Variants in CCR2 observed in about 807,000 individuals in gnomAD.
The protein encoded by CCR2 is C-C motif chemokine receptor 2, also known as C-C chemokine receptor type 2.
For synonymous variants in CCR2, 183 were observed against 177.1 expected (o/e 1.03, Z -0.27); for missense variants, 408 against 440.0 (o/e 0.93, Z 0.65).
rs1410186133 is a variant in CCR2 at position 46,359,713 on chromosome 3, A to G, written c.*1103A>G. On this transcript the variant is annotated 3_prime_UTR_variant, in exon 2 of 2. Coordinates refer to ENST00000445132, the MANE Select transcript of CCR2 (RefSeq NM_001123396.4). ...TAGCTCTTGGCTGTAGGATTGCCCCACTCCAAAAACCAGTGTGTGGAGGTC... is the reference window on the plus strand; with the variant it reads ...TAGCTCTTGGCTGTAGGATTGCCCCGCTCCAAAAACCAGTGTGTGGAGGTC... The G allele has an allele frequency of 1.2e-6, 2 of 1,613,534 alleles. No homozygotes were observed. Among genetic ancestry groups the G allele is most frequent in the African/African-American group, 2.7e-5 (2 of 74,794 alleles).
At position 46,357,491 on chromosome 3, in the gene CCR2, A is replaced by AT; in HGVS notation, c.-35dup. The AT allele has an allele frequency of 6.3e-7, 1 of 1,597,278 alleles. No homozygotes were observed. On this transcript the variant is annotated 5_prime_UTR_variant, in exon 2 of 2. Coordinates refer to ENST00000445132, the MANE Select transcript of CCR2 (RefSeq NM_001123396.4). ...TTTGTTTACAGAACAGAGAAAGTGG[A>AT]TTGAACAAGGACGCATTTCCCCAGT...
At chr3:46,355,341 C>G (rs575514980) in intron 1 of CCR2, among the ~76,000 whole-genome samples, 1 of 152,014 alleles carries the variant, frequency 6.6e-6, no homozygotes, top group East Asian at 1.9e-4. Context: ...ACCTGCAAAA[C>G]CACTGAAGCA....
At position 46,359,670 on chromosome 3, in the gene CCR2, C is replaced by T. The variant is rs768825894; in HGVS notation, c.*1060C>T. 6 of 1,605,770 alleles carry T rather than the reference C, an allele frequency of 3.7e-6. No individual in the cohort carries two copies. Among genetic ancestry groups the T allele is most frequent in the Non-Finnish European group, 5.1e-6 (6 of 1,177,642 alleles). On this transcript the variant is annotated 3_prime_UTR_variant, in exon 2 of 2. Transcript: ENST00000445132. Reference sequence around the variant, plus strand: ...CCACTCCCCTCACTCTTCTCTTTTCCCCACAGCCTTTTTCACATAGCTCTT... The same window carrying T: ...CCACTCCCCTCACTCTTCTCTTTTCTCCACAGCCTTTTTCACATAGCTCTT...
intron 1 of CCR2, among the ~76,000 whole-genome samples, chr3:46,355,214 T>C (rs1701430417): frequency 1.3e-5 from 2 of 152,102 alleles, no homozygotes; most frequent in South Asian, 4.1e-4. Flanking sequence ...CAGTGTTATG[T>C]GATAAGAGTA....
rs772392528 is a variant in CCR2 at position 46,358,670 on chromosome 3, A to C, written c.*60A>C. ...AGATAACAATCTGTATATAACAACA[A>C]ACTTCAAGGGTTTGTTGAACAATAG... On this transcript the variant is annotated 3_prime_UTR_variant, in exon 2 of 2. Coordinates refer to ENST00000445132, the MANE Select transcript of CCR2 (RefSeq NM_001123396.4). 726 of 1,506,406 alleles carry C rather than the reference A, an allele frequency of 4.8e-4. No individual in the cohort carries two copies. Among genetic ancestry groups the C allele is most frequent in the Non-Finnish European group, 6.1e-4 (691 of 1,125,506 alleles). The allele number at this position is 1,506,406 out of a possible 1,614,324, so 93.3% of individuals were successfully genotyped here. A position where few individuals can be genotyped will look rare whatever the true frequency, so the allele number is the denominator to read the frequency against.
At position 46,358,076 on chromosome 3, in the gene CCR2, A is replaced by G. The variant is rs751825867; in HGVS notation, c.549A>G (p.Lys183=). ...VPGIIFTKCQ[K]EDSVYVCGPY... is the part of the protein sequence containing the mutation. ...GAATCATCTTTACTAAATGCCAGAAAGAAGATTCTGTTTATGTCTGTGGCC... is the reference window on the plus strand; with the variant it reads ...GAATCATCTTTACTAAATGCCAGAAGGAAGATTCTGTTTATGTCTGTGGCC... Residue 183 remains lysine, a synonymous_variant, in exon 2 of 2, where the codon AAA becomes AAG. Coordinates refer to ENST00000445132, the MANE Select transcript of CCR2 (RefSeq NM_001123396.4). 5.0e-6 allele frequency: 8 copies of G among 1,614,180 alleles called. No individual in the cohort carries two copies. The highest frequency in any genetic ancestry group is 6.8e-6 in the Non-Finnish European group (8 of 1,180,014).
Position 46,359,981 on chromosome 3 carries a change from C to T in CCR2, c.*1371C>T. On this transcript the variant is annotated 3_prime_UTR_variant, in exon 2 of 2. Coordinates refer to ENST00000445132, the MANE Select transcript of CCR2 (RefSeq NM_001123396.4). ...AGGAAGGCTGAGAGGAGAGAGACTC[C>T]AGCTGGGTTGGAAAACAGTATTTTC... 1.1e-6 allele frequency: 1 copy of T among 933,346 alleles called. No individual in the cohort carries two copies. Among genetic ancestry groups the T allele is most frequent in the Non-Finnish European group, 1.6e-6 (1 of 627,072 alleles). 57.8% of individuals were successfully genotyped at this position (933,346 alleles called of 1,614,324 possible). A position where few individuals can be genotyped will look rare whatever the true frequency, so the allele number is the denominator to read the frequency against.
intron 1 of CCR2, among the ~76,000 whole-genome samples, chr3:46,356,270 A>G (rs1405910500): frequency 6.6e-6 from 1 of 152,234 alleles, no homozygotes; most frequent in Non-Finnish European, 1.5e-5. Context: ...TTTAGACAAT[A>G]CAATTCAGGA....
chr3:46,359,003 G>T lies in CCR2; in HGVS notation c.*393G>T, dbSNP rs566030365. On this transcript the variant is annotated 3_prime_UTR_variant, in exon 2 of 2. Transcript: ENST00000445132. ...AGATGAATGGGAGTGAGGGATAGTG[G>T]GGTCAGGGCTGAGAGGAGAAGGAGG... The T allele has an allele frequency of 1.9e-6, 2 of 1,043,690 alleles. No individual in the cohort carries two copies. Among genetic ancestry groups the T allele is most frequent in the African/African-American group, 3.4e-5 (2 of 58,224 alleles). The allele number at this position is 1,043,690 out of a possible 1,614,324, so 64.7% of individuals were successfully genotyped here.
intron 1 of CCR2, 78 bp from the exon 2 acceptor site, chr3:46,357,399 T>G (rs1032338138): frequency 1.0e-6 from 1 of 984,044 alleles, no homozygotes; most frequent in African/African-American, 1.6e-5. Context: ...AAGTTGCTTA[T>G]GTGGTGCCAG....
At position 46,358,727 on chromosome 3, in the gene CCR2, G is replaced by T; in HGVS notation, c.*117G>T. ...GTAAAGCAGGTGCCCAGGAACCTCA[G>T]GGCTGTGTGTACTAATACAGACTAT... On this transcript the variant is annotated 3_prime_UTR_variant, in exon 2 of 2. Coordinates refer to ENST00000445132, the MANE Select transcript of CCR2 (RefSeq NM_001123396.4). 6.8e-7 allele frequency: 1 copy of T among 1,466,368 alleles called. No homozygotes were observed. The highest frequency in any genetic ancestry group is 9.0e-7 in the Non-Finnish European group (1 of 1,108,966). The allele number at this position is 1,466,368 out of a possible 1,614,324, so 90.8% of individuals were successfully genotyped here. A position where few individuals can be genotyped will look rare whatever the true frequency, so the allele number is the denominator to read the frequency against.
Position 46,358,905 on chromosome 3 carries a change from C to T in CCR2, c.*295C>T. 1 of 1,113,292 alleles carries T rather than the reference C, an allele frequency of 9.0e-7. No homozygotes were observed. The highest frequency in any genetic ancestry group is 1.1e-6 in the Non-Finnish European group (1 of 900,004). 69.0% of individuals were successfully genotyped at this position (1,113,292 alleles called of 1,614,324 possible). On this transcript the variant is annotated 3_prime_UTR_variant, in exon 2 of 2. Coordinates refer to ENST00000445132, the MANE Select transcript of CCR2 (RefSeq NM_001123396.4). ...TTTTCTAGTCTTCATAATTTCTTCA[C>T]TCAATCTCTGATTCTGTCAATGTCT...
intron 1 of CCR2, chr3:46,354,726 T>C (rs1264566025): frequency 6.6e-6 from 1 of 152,224 alleles, no homozygotes; most frequent in East Asian, 1.9e-4. Flanking sequence ...TAGCCAGTTG[T>C]AAAAATGAAA....
intron 1 of CCR2, among the ~76,000 whole-genome samples, chr3:46,356,977 G>T (rs1701465362): frequency 6.6e-6 from 1 of 151,964 alleles, no homozygotes. Flanking sequence ...TTAGGACTCA[G>T]TGATAATAGG....
chr3:46,360,801 A>G lies in CCR2; in HGVS notation c.*2191A>G, dbSNP rs1343648337. 1 of 152,230 alleles carries G rather than the reference A, an allele frequency of 6.6e-6. No individual in the cohort carries two copies. The highest frequency in any genetic ancestry group is 1.5e-5 in the Non-Finnish European group (1 of 68,054). 9.4% of individuals were successfully genotyped at this position (152,230 alleles called of 1,614,324 possible). On this transcript the variant is annotated 3_prime_UTR_variant, in exon 2 of 2. Coordinates refer to ENST00000445132, the MANE Select transcript of CCR2 (RefSeq NM_001123396.4). Reference sequence around the variant, plus strand: ...GAAGTGGGGACAGAGCAGAACTTTCACCTTCATATATTTGTATGATCCTAA... The same window carrying G: ...GAAGTGGGGACAGAGCAGAACTTTCGCCTTCATATATTTGTATGATCCTAA...
Position 46,359,641 on chromosome 3 carries a change from C to T in CCR2, c.*1031C>T. 2 of 1,584,866 alleles carry T rather than the reference C, an allele frequency of 1.3e-6. No homozygotes were observed. The highest frequency in any genetic ancestry group is 1.7e-6 in the Non-Finnish European group (2 of 1,168,194). Reference sequence around the variant, plus strand: ...TTGTTTTGTGCTTGCTTTTCCCTGCCTTGCCACTCCCCTCACTCTTCTCTT... The same window carrying T: ...TTGTTTTGTGCTTGCTTTTCCCTGCTTTGCCACTCCCCTCACTCTTCTCTT... On this transcript the variant is annotated 3_prime_UTR_variant, in exon 2 of 2. Transcript: ENST00000445132.
In CCR2 at chr3:46,360,125, T is replaced by A. The variant is rs1458945042; in HGVS notation, c.*1515T>A. ...CTTGTAAATGTGGTAAAGAGTTAGT[T>A]TGAGTTACTATCATGTCAAACGTGA... On this transcript the variant is annotated 3_prime_UTR_variant, in exon 2 of 2. Coordinates refer to ENST00000445132, the MANE Select transcript of CCR2 (RefSeq NM_001123396.4). 4.9e-6 allele frequency: 2 copies of A among 404,756 alleles called. No individual in the cohort carries two copies. The highest frequency in any genetic ancestry group is 8.8e-6 in the Non-Finnish European group (2 of 226,554). 25.1% of individuals were successfully genotyped at this position (404,756 alleles called of 1,614,324 possible). A position where few individuals can be genotyped will look rare whatever the true frequency, so the allele number is the denominator to read the frequency against.
chr3:46,357,520 T>A lies in CCR2; in HGVS notation c.-8T>A. On this transcript the variant is annotated 5_prime_UTR_variant, in exon 2 of 2. Coordinates refer to ENST00000445132, the MANE Select transcript of CCR2 (RefSeq NM_001123396.4). Reference sequence around the variant, plus strand: ...AACAAGGACGCATTTCCCCAGTACATCCACAACATGCTGTCCACATCTCGT... The same window carrying A: ...AACAAGGACGCATTTCCCCAGTACAACCACAACATGCTGTCCACATCTCGT... 6.2e-7 allele frequency: 1 copy of A among 1,611,648 alleles called. No individual in the cohort carries two copies. Among genetic ancestry groups the A allele is most frequent in the Non-Finnish European group, 8.5e-7 (1 of 1,178,056 alleles).
Position 46,360,205 on chromosome 3 carries a change from C to T in CCR2, c.*1595C>T. The T allele has an allele frequency of 3.7e-6, 1 of 272,042 alleles. No individual in the cohort carries two copies. The allele number at this position is 272,042 out of a possible 1,614,324, so 16.9% of individuals were successfully genotyped here. ...TAGCTTTGAGCTTAAGAATTTTGAG[C>T]AGGTGGTATGTTTGGGAGACTGCTG... On this transcript the variant is annotated 3_prime_UTR_variant, in exon 2 of 2. Coordinates refer to ENST00000445132, the MANE Select transcript of CCR2 (RefSeq NM_001123396.4).
Sources: allele counts gnomAD v4.1 joint callset (sites outside exome capture counted in the v4.1 genomes callset), GRCh38; gene constraint gnomAD v4.1.1; transcripts MANE v1.5; gene names NCBI Gene and HGNC (gene_info 2026-07-23, HGNC 2026-07-21).